Variants in ADK observed in about 807,000 individuals in gnomAD.
The protein encoded by ADK is adenosine kinase, also known as N6,N6-dimethyladenosine kinase.
ADK carries 24 observed loss-of-function variants against 44.7 expected under a neutral mutation model. The observed-to-expected ratio is 0.54, with a 90% CI of 0.39 to 0.76. The LOEUF is 0.76. ADK is among the 30% of genes least tolerant of loss of function. The probability of loss-of-function intolerance (pLI) is 0.00; values close to 1 mark genes in which losing one functional copy is unlikely to be tolerated. For synonymous variants in ADK, 128 were observed against 142.6 expected (o/e 0.90, Z 0.73); for missense variants, 321 against 425.1 (o/e 0.76, Z 2.15).
intron 7 of ADK, among the ~76,000 whole-genome samples, chr10:74,579,138 G>A (rs1415010642): frequency 6.6e-6 from 1 of 151,900 alleles, no homozygotes; most frequent in Admixed American, 6.6e-5. Context: ...GGAGACTGAG[G>A]CATGAGAATC....
chr10:74,268,437 C>T (rs1047612213), intron 3 of ADK, among the ~76,000 whole-genome samples: 9 of 151,356 alleles, frequency 5.9e-5, no homozygotes, highest in Admixed American at 5.9e-4. Flanking sequence ...CTCATTTGTG[C>T]TACTTATTAG....
chr10:74,164,132 T>TA (rs1283717005), intron 1 of ADK, among the ~76,000 whole-genome samples: 1 of 152,250 alleles, frequency 6.6e-6, no homozygotes, highest in Non-Finnish European at 1.5e-5. Context: ...TTGTTTTACT[T>TA]ATTGCTTGTT....
intron 6 of ADK, among the ~76,000 whole-genome samples, chr10:74,484,348 G>A (rs143954568): frequency 6.6e-6 from 1 of 152,114 alleles, no homozygotes; most frequent in South Asian, 2.1e-4. Context: ...AGGGATATCT[G>A]CCCCACTAGG....
chr10:74,357,577 G>A (rs1440021536), intron 4 of ADK, among the ~76,000 whole-genome samples: 1 of 151,408 alleles, frequency 6.6e-6, no homozygotes, highest in Non-Finnish European at 1.5e-5. Flanking sequence ...CTGGGGTTAC[G>A]GGCATAAGCC....
intron 4 of ADK, among the ~76,000 whole-genome samples, chr10:74,362,305 C>T (rs148876043): frequency 2.0e-5 from 3 of 151,228 alleles, no homozygotes; most frequent in African/African-American, 7.3e-5. Flanking sequence ...TCTTTGAACT[C>T]ACTGATTCTT....
At chr10:74,203,469 C>G (rs771118869) in intron 2 of ADK, among the ~76,000 whole-genome samples, 1 of 151,930 alleles carries the variant, frequency 6.6e-6, no homozygotes, top group Admixed American at 6.6e-5. Context: ...AGTGATCCTT[C>G]TATTTCAGCC....
At chr10:74,434,248 G>A (rs1845106292) in intron 6 of ADK, among the ~76,000 whole-genome samples, 1 of 152,114 alleles carries the variant, frequency 6.6e-6, no homozygotes, top group Non-Finnish European at 1.5e-5. Context: ...GGAGGTCATC[G>A]CTGTCTAAAA....
chr10:74,615,875 A>AT (rs747353996), intron 9 of ADK, among the ~76,000 whole-genome samples: 3 of 151,708 alleles, frequency 2.0e-5, no homozygotes, highest in East Asian at 3.9e-4. Context: ...CGCCTGGCTC[A>AT]TTTTTTTATT....
intron 2 of ADK, among the ~76,000 whole-genome samples, chr10:74,215,225 A>G (rs1368125512): frequency 6.6e-6 from 1 of 152,224 alleles, no homozygotes; most frequent in Non-Finnish European, 1.5e-5. Flanking sequence ...TTATAAAAGA[A>G]TACCTATCTA....
intron 6 of ADK, among the ~76,000 whole-genome samples, chr10:74,458,881 G>A (rs975370252): frequency 1.4e-4 from 22 of 151,874 alleles, no homozygotes; most frequent in African/African-American, 5.3e-4. Context: ...AAAATAAAAA[G>A]AAATAATCAT....
intron 4 of ADK, among the ~76,000 whole-genome samples, chr10:74,325,985 A>G (rs1466044406): frequency 2.0e-5 from 3 of 151,902 alleles, no homozygotes; most frequent in African/African-American, 4.8e-5. Flanking sequence ...ACAGGCACCA[A>G]CCACCATGCC....
intron 9 of ADK, among the ~76,000 whole-genome samples, chr10:74,629,644 A>G (rs983438124): frequency 3.3e-5 from 5 of 152,220 alleles, no homozygotes; most frequent in Admixed American, 6.5e-5. Context: ...AGAAGACAGT[A>G]TGTAGAAATT....
At chr10:74,436,598 A>G (rs1197765709) in intron 6 of ADK, among the ~76,000 whole-genome samples, 2 of 152,190 alleles carry the variant, frequency 1.3e-5, no homozygotes, top group Non-Finnish European at 2.9e-5. Flanking sequence ...AATTATTAAA[A>G]TGCCCCTATA....
chr10:74,155,329 C>T lies in ADK; in HGVS notation c.65+3986C>T, dbSNP rs144066023. On this transcript the variant is annotated intron_variant, in intron 1 of 10. Coordinates refer to ENST00000539909, the MANE Select transcript of ADK (RefSeq NM_006721.4). ...GAGACCCTCGAATCTTTAAAAAAAA[C>T]GAAACAAAAACTAGCTGGACATGGT... 9.9e-4 allele frequency among the ~76,000 whole-genome samples: 150 copies of T among 151,642 alleles called. 2 individuals are homozygous for T. In the East Asian group the frequency reaches 0.015, roughly 15 times the overall value.
chr10:74,184,165 A>T (rs1842662696), intron 1 of ADK, among the ~76,000 whole-genome samples: 1 of 152,022 alleles, frequency 6.6e-6, no homozygotes, highest in Admixed American at 6.6e-5. Context: ...TGATCCACCC[A>T]CCTTGGCCTC....
chr10:74,704,236 T>C (rs942270956), intron 10 of ADK, among the ~76,000 whole-genome samples: 7 of 152,192 alleles, frequency 4.6e-5, no homozygotes, highest in African/African-American at 1.7e-4. Flanking sequence ...TTTGGGGTGA[T>C]GAAAAACTTC....
intron 4 of ADK, among the ~76,000 whole-genome samples, chr10:74,345,667 T>A (rs989522839): frequency 8.5e-5 from 13 of 152,206 alleles, no homozygotes; most frequent in Non-Finnish European, 2.9e-5. Context: ...ATCTACAGTG[T>A]GTCTCCTGTT....
At chr10:74,257,169 G>A (rs1187285166) in intron 3 of ADK, among the ~76,000 whole-genome samples, 3 of 146,848 alleles carry the variant, frequency 2.0e-5, no homozygotes, top group South Asian at 2.2e-4. Flanking sequence ...CAGTATACAT[G>A]GGCGGGTGGT....
At chr10:74,247,017 A>G (rs921931232) in intron 3 of ADK, among the ~76,000 whole-genome samples, 1 of 151,908 alleles carries the variant, frequency 6.6e-6, no homozygotes, top group Non-Finnish European at 1.5e-5. Context: ...AGCTCCTTGA[A>G]TTACTCGATA....
Sources: allele counts gnomAD v4.1 joint callset (sites outside exome capture counted in the v4.1 genomes callset), GRCh38; gene constraint gnomAD v4.1.1; transcripts MANE v1.5; gene names NCBI Gene and HGNC (gene_info 2026-07-23, HGNC 2026-07-21).